The following SEC23IP variants were observed in gnomAD, a reference collection of about 807,000 sequenced individuals.
SEC23IP encodes the protein SEC23-interacting protein.
SEC23IP carries 70 observed loss-of-function variants against 113.4 expected under a neutral mutation model. That is an observed-to-expected ratio of 0.62 (90% CI 0.51 to 0.75). SEC23IP has a LOEUF of 0.75. Ranked by LOEUF, SEC23IP falls within the 30% of genes least tolerant of loss-of-function variation. SEC23IP has a pLI of 0.00. For missense variants in SEC23IP, 1,160 were observed against 1,204.9 expected (o/e 0.96, Z 0.55); for synonymous variants, 398 against 421.0 (o/e 0.95, Z 0.67).
chr10:119,934,067 T>C (rs2134533963), intron 18 of SEC23IP, among the ~76,000 whole-genome samples: 1 of 152,356 alleles, frequency 6.6e-6, no homozygotes, highest in African/African-American at 2.4e-5. Flanking sequence ...TTCCTTTGGT[T>C]GCAGGTTCAC....
chr10:119,904,085 T>C lies in SEC23IP; in HGVS notation c.909T>C (p.Val303=). ...AAAAGTGTTAATTTTGTTCTCTAGT[T>C]CAGCCAGATCCGGAGAGCGTGGTTC... ...SLNLEEIYNS[V]QPDPESVVLG... is the part of the protein sequence containing the mutation. Residue 303 remains valine (V), a splice_region_variant and synonymous_variant, in exon 4 of 19, where the codon GTT becomes GTC. Transcript: ENST00000369075. 1 of 1,613,836 alleles carries C rather than the reference T, an allele frequency of 6.2e-7. No homozygotes were observed. Among genetic ancestry groups the C allele is most frequent in the Non-Finnish European group, 8.5e-7 (1 of 1,179,764 alleles).
At position 119,932,280 on chromosome 10, in the gene SEC23IP, A is replaced by G; in HGVS notation, c.2720A>G (p.Asn907Ser). ...CAAGAAGAATTGGAGAAGGTGGCCAATCAGATCAAAGAAGAAGAAGAAAAG... is the reference window on the plus strand; with the variant it reads ...CAAGAAGAATTGGAGAAGGTGGCCAGTCAGATCAAAGAAGAAGAAGAAAAG... ...QLQEELEKVA[N>S]QIKEEEEKQV... Residue 907 changes from asparagine (N) to serine (S), a missense_variant, in exon 16 of 19, where the codon AAT (asparagine) becomes AGT (serine). Asn to Ser is a conservative substitution (Grantham distance 46, BLOSUM62 1). Coordinates refer to ENST00000369075, the MANE Select transcript of SEC23IP (RefSeq NM_007190.4). The G allele has an allele frequency of 6.2e-7, 1 of 1,614,088 alleles. No individual in the cohort carries two copies. The highest frequency in any genetic ancestry group is 8.5e-7 in the Non-Finnish European group (1 of 1,179,972).
chr10:119,896,439 G>C (rs934188630), intron 1 of SEC23IP, among the ~76,000 whole-genome samples: 14 of 152,236 alleles, frequency 9.2e-5, no homozygotes, highest in African/African-American at 3.4e-4. Context: ...GAGCATGGAG[G>C]TGGGTAGTTA....
chr10:119,916,178 A>G (rs1377410194), intron 8 of SEC23IP, among the ~76,000 whole-genome samples: 1 of 152,186 alleles, frequency 6.6e-6, no homozygotes, highest in Non-Finnish European at 1.5e-5. Context: ...ATGTAGTAGG[A>G]TGCCTAATGG....
At chr10:119,893,149 C>T (rs1291033331) in intron 1 of SEC23IP, among the ~76,000 whole-genome samples, 4 of 152,170 alleles carry the variant, frequency 2.6e-5, no homozygotes. Context: ...ACGGAAACCC[C>T]CTGTTCCGAG....
chr10:119,894,944 ATAATTT>A (rs1854225601), intron 1 of SEC23IP, among the ~76,000 whole-genome samples: 1 of 151,164 alleles, frequency 6.6e-6, no homozygotes, highest in Non-Finnish European at 1.5e-5. Flanking sequence ...GTGAATATTA[ATAATTT>A]TAGAACTAAA....
At chr10:119,912,268 A>T in intron 6 of SEC23IP, 104 bp downstream of exon 6, 1 of 1,232,352 alleles carries the variant, frequency 8.1e-7, no homozygotes, top group Non-Finnish European at 1.1e-6. Flanking sequence ...ATGCCCTGCC[A>T]CAGCAGCCAT....
At chr10:119,916,127 C>T (rs777797440) in intron 8 of SEC23IP, among the ~76,000 whole-genome samples, 2 of 152,098 alleles carry the variant, frequency 1.3e-5, no homozygotes, top group African/African-American at 4.8e-5. Flanking sequence ...TTTTAAAATA[C>T]AATTTTAATC....
chr10:119,932,903 A>G, intron 16 of SEC23IP, 102 bp from the exon 17 acceptor site: 7 of 984,590 alleles, frequency 7.1e-6, no homozygotes, highest in South Asian at 3.3e-5. Flanking sequence ...TCAGGTTGCT[A>G]CATGCGTCAA....
chr10:119,940,663 C>G lies in SEC23IP; in HGVS notation c.*98C>G, dbSNP rs1346929977. 1.3e-5 allele frequency: 2 copies of G among 151,788 alleles called. No individual in the cohort carries two copies. Among genetic ancestry groups the G allele is most frequent in the African/African-American group, 2.4e-5 (1 of 41,280 alleles). The allele number at this position is 151,788 out of a possible 1,614,324, so 9.4% of individuals were successfully genotyped here. ...CCTCAGAGGACTTTCCCACTTCGCT[C>G]CTGTGATGGATGACAGAAGAGTGAT... On this transcript the variant is annotated 3_prime_UTR_variant, in exon 19 of 19. Coordinates refer to ENST00000369075, the MANE Select transcript of SEC23IP (RefSeq NM_007190.4).
rs760055152 is a variant in SEC23IP, at chr10:119,918,055, C to G, written c.1753+11C>G. The G allele has an allele frequency of 5.6e-6, 9 of 1,596,178 alleles. No individual in the cohort carries two copies. The highest frequency in any genetic ancestry group is 1.3e-5 in the African/African-American group (1 of 74,590). On this transcript the variant is annotated intron_variant, in intron 9 of 18. Transcript: ENST00000369075. ...CTGGTCACAGTTTAGGTAAAACTGT[C>G]AAATATTCACATTTTAAATACAATT... is the stretch of plus-strand genomic sequence containing the variant.
rs750625115 is a variant in SEC23IP at position 119,904,281 on chromosome 10, C to T, written c.1101+4C>T. 44 of 1,613,032 alleles carry T rather than the reference C, an allele frequency of 2.7e-5. No homozygotes were observed. The highest frequency in any genetic ancestry group is 1.3e-4 in the East Asian group (6 of 44,874). ...GGAGTTCAGTGAAAAACTAGAGGTA[C>T]GGGTGCTTTATTTCTTTATGAGTTT... On this transcript the variant is annotated splice_donor_region_variant and intron_variant, in intron 4 of 18. Transcript: ENST00000369075.
intron 4 of SEC23IP, among the ~76,000 whole-genome samples, chr10:119,905,412 A>C (rs984949019): frequency 6.6e-6 from 1 of 152,108 alleles, no homozygotes; most frequent in Non-Finnish European, 1.5e-5. Flanking sequence ...ACTATATTTG[A>C]TTTTATATGG....
intron 15 of SEC23IP, among the ~76,000 whole-genome samples, chr10:119,931,318 G>A (rs1855592921): frequency 1.4e-5 from 2 of 146,358 alleles, no homozygotes; most frequent in South Asian, 4.4e-4. Context: ...CCTGTTTACA[G>A]ATTAGAAAAA....
chr10:119,916,152 CA>C (rs1384714448), intron 8 of SEC23IP, among the ~76,000 whole-genome samples: 1 of 152,136 alleles, frequency 6.6e-6, no homozygotes, highest in Non-Finnish European at 1.5e-5. Context: ...GCAGTTTAGA[CA>C]GGGGGCTGTC....
chr10:119,913,782 A>G (rs1332112082), intron 6 of SEC23IP, among the ~76,000 whole-genome samples: 2 of 151,640 alleles, frequency 1.3e-5, no homozygotes, highest in Non-Finnish European at 2.9e-5. Flanking sequence ...GTGAGCCACC[A>G]CACCCGGCCC....
intron 5 of SEC23IP, among the ~76,000 whole-genome samples, chr10:119,910,937 G>A (rs1170922622): frequency 1.3e-5 from 2 of 151,654 alleles, no homozygotes; most frequent in East Asian, 1.9e-4. Context: ...CTCCTGCCTC[G>A]GCCTCCCAAA....
At chr10:119,927,930 A>T (rs895633862) in intron 13 of SEC23IP, among the ~76,000 whole-genome samples, 1 of 152,204 alleles carries the variant, frequency 6.6e-6, no homozygotes, top group African/African-American at 2.4e-5. Flanking sequence ...ATCAATCTGT[A>T]TTCTCACTGG....
At chr10:119,908,972 C>T in intron 4 of SEC23IP, 69 bp from the exon 5 acceptor site, 2 of 1,011,712 alleles carry the variant, frequency 2.0e-6, no homozygotes, top group Non-Finnish European at 3.0e-6. Context: ...TGACCGTTTT[C>T]CTCCATACTT....
Sources: allele counts gnomAD v4.1 joint callset (sites outside exome capture counted in the v4.1 genomes callset), GRCh38; gene constraint gnomAD v4.1.1; transcripts MANE v1.5; gene names NCBI Gene and HGNC (gene_info 2026-07-23, HGNC 2026-07-21).